The following TRABD2B variants were observed in gnomAD, a reference collection of about 807,000 sequenced individuals.
TRABD2B encodes the protein metalloprotease TIKI2.
A neutral mutation model predicts 40.1 loss-of-function variants in TRABD2B; 14 were observed. That is an observed-to-expected ratio of 0.35 (90% confidence interval 0.23 to 0.55). TRABD2B has a LOEUF of 0.55. TRABD2B is among the 20% of genes least tolerant of loss of function. The pLI is 0.90. For missense variants in TRABD2B, 541 were observed against 648.6 expected (o/e 0.83, Z 1.80); for synonymous variants, 263 against 277.0 (o/e 0.95, Z 0.50).
intron 4 of TRABD2B, among the ~76,000 whole-genome samples, chr1:47,780,621 T>A (rs1428680141): frequency 6.6e-6 from 1 of 152,124 alleles, no homozygotes. Context: ...TCAAGCAGAC[T>A]TCCTGGAGGG....
intron 2 of TRABD2B, among the ~76,000 whole-genome samples, chr1:47,883,359 TA>T (rs1451465629): frequency 6.6e-6 from 1 of 152,212 alleles, no homozygotes; most frequent in East Asian, 1.9e-4. Flanking sequence ...ATGCTGGTAT[TA>T]TAGGCTTGAT....
chr1:47,828,168 G>A (rs761833978), intron 2 of TRABD2B, among the ~76,000 whole-genome samples: 2 of 152,182 alleles, frequency 1.3e-5, no homozygotes, highest in Non-Finnish European at 1.5e-5. Flanking sequence ...CTAGATAGCC[G>A]ATGTTTCCTC....
chr1:47,824,680 T>C (rs558925118), intron 2 of TRABD2B, among the ~76,000 whole-genome samples: 24 of 152,308 alleles, frequency 1.6e-4, no homozygotes, highest in Admixed American at 7.2e-4. Flanking sequence ...ACCAAGAGGC[T>C]GAGAGCAGGT....
chr1:47,965,079 T>C (rs1461069601), intron 2 of TRABD2B, among the ~76,000 whole-genome samples: 1 of 151,570 alleles, frequency 6.6e-6, no homozygotes, highest in South Asian at 2.1e-4. Flanking sequence ...TCTTCCTCAA[T>C]AGCCTTTGAT....
intron 2 of TRABD2B, among the ~76,000 whole-genome samples, chr1:47,806,239 T>C (rs1301484549): frequency 2.0e-5 from 3 of 152,186 alleles, no homozygotes; most frequent in African/African-American, 7.2e-5. Flanking sequence ...TTGAGATTAG[T>C]AGATTAATTG....
chr1:47,981,001 T>A lies in TRABD2B; in HGVS notation c.666+13033A>T, dbSNP rs541705249. The stretch of plus-strand genomic sequence containing the variant: ...TCCACCTCCTCTGGGTCACATTCCC[T>A]CTTTTCTTTTTTCTTTTCTTTTTTT... On this transcript the variant is annotated intron_variant, in intron 2 of 6. Coordinates refer to ENST00000606738, the MANE Select transcript of TRABD2B (RefSeq NM_001194986.2). Among the ~76,000 whole-genome samples, 16 of 152,178 alleles carry A rather than the reference T, an allele frequency of 1.1e-4. 1 individual carries two copies. The South Asian group carries it at 3.1e-3, about 30-fold the overall frequency.
chr1:47,778,680 GC>G (rs1644480701), intron 4 of TRABD2B, 136 bp from the exon 5 acceptor site: 1 of 675,812 alleles, frequency 1.5e-6, no homozygotes, highest in East Asian at 2.7e-5. Flanking sequence ...TCCCTGAGAG[GC>G]AGTATAGCAT....
At chr1:47,906,442 G>A (rs191847412) in intron 2 of TRABD2B, among the ~76,000 whole-genome samples, 5 of 152,178 alleles carry the variant, frequency 3.3e-5, no homozygotes, top group African/African-American at 1.2e-4. Context: ...CAAGCTCCAC[G>A]CTCTTAGCCA....
intron 2 of TRABD2B, among the ~76,000 whole-genome samples, chr1:47,821,563 T>C (rs1048755416): frequency 6.6e-6 from 1 of 152,104 alleles, no homozygotes; most frequent in Admixed American, 6.6e-5. Context: ...CTCAGGGCTG[T>C]GCCATGCCTC....
chr1:47,883,148 T>C (rs1431806590), intron 2 of TRABD2B, among the ~76,000 whole-genome samples: 2 of 152,190 alleles, frequency 1.3e-5, no homozygotes, highest in African/African-American at 4.8e-5. Flanking sequence ...ATCAGCTCTC[T>C]GCCTCCATAT....
At chr1:47,931,810 G>C (rs1260942587) in intron 2 of TRABD2B, among the ~76,000 whole-genome samples, 6 of 152,132 alleles carry the variant, frequency 3.9e-5, no homozygotes, top group Non-Finnish European at 7.3e-5. Context: ...CACAATAAAA[G>C]TACTGTGAAG....
intron 2 of TRABD2B, among the ~76,000 whole-genome samples, chr1:47,812,998 C>G (rs571351206): frequency 6.6e-6 from 1 of 152,134 alleles, no homozygotes; most frequent in South Asian, 2.1e-4. Context: ...ATGGTCTACA[C>G]GGGAGGCGAT....
At chr1:47,914,943 T>C (rs1030555362) in intron 2 of TRABD2B, among the ~76,000 whole-genome samples, 2 of 152,248 alleles carry the variant, frequency 1.3e-5, no homozygotes, top group Non-Finnish European at 2.9e-5. Context: ...CCTGGTTAGA[T>C]GTCCCTGCCT....
intron 2 of TRABD2B, among the ~76,000 whole-genome samples, chr1:47,869,938 C>T (rs1644117212): frequency 1.3e-5 from 2 of 152,104 alleles, no homozygotes; most frequent in African/African-American, 2.4e-5. Flanking sequence ...ACCCATCAGA[C>T]CAACAAGAAA....
At chr1:47,768,561 T>C (rs1644336681) in intron 6 of TRABD2B, among the ~76,000 whole-genome samples, 1 of 152,112 alleles carries the variant, frequency 6.6e-6, no homozygotes, top group Non-Finnish European at 1.5e-5. Context: ...TTGATCTGCC[T>C]TCCATCCCTC....
At chr1:47,891,193 G>A (rs1644440340) in intron 2 of TRABD2B, among the ~76,000 whole-genome samples, 1 of 152,216 alleles carries the variant, frequency 6.6e-6, no homozygotes, top group Non-Finnish European at 1.5e-5. Flanking sequence ...CTGTGAAAAT[G>A]TGCCAAGGAT....
chr1:47,915,853 C>G (rs1054334096), intron 2 of TRABD2B, among the ~76,000 whole-genome samples: 1 of 152,212 alleles, frequency 6.6e-6, no homozygotes, highest in East Asian at 1.9e-4. Context: ...GTCGTGCCCC[C>G]ACGCTCCCCT....
intron 2 of TRABD2B, among the ~76,000 whole-genome samples, chr1:47,908,931 A>G (rs1644713910): frequency 6.6e-6 from 1 of 152,238 alleles, no homozygotes; most frequent in Non-Finnish European, 1.5e-5. Context: ...GCTTCAGCGC[A>G]TGAATCTAGG....
At chr1:47,914,556 A>G (rs527644509) in intron 2 of TRABD2B, among the ~76,000 whole-genome samples, 14 of 152,356 alleles carry the variant, frequency 9.2e-5, no homozygotes, top group Non-Finnish European at 1.2e-4. Context: ...GCAGTGTGCA[A>G]TTGGATAACT....
Sources: gnomAD v4.1 joint callset for allele counts (sites outside exome capture counted in the v4.1 genomes callset) on GRCh38, gnomAD v4.1.1 for gene constraint, MANE v1.5 for transcripts, NCBI Gene and HGNC (gene_info 2026-07-23, HGNC 2026-07-21) for gene names.